The following PCDHA8 variants were observed in gnomAD, a reference collection of about 807,000 sequenced individuals.
PCDHA8 encodes the protein protocadherin alpha 8, also known as protocadherin alpha-8.
PCDHA8 carries 53 observed loss-of-function variants against 61.8 expected under a neutral mutation model. That is an observed-to-expected ratio of 0.86 (90% CI 0.69 to 1.08). PCDHA8 has a LOEUF of 1.08. Among genes scored for constraint, PCDHA8 ranks in the 50% least tolerant of loss-of-function variants. PCDHA8 has a pLI of 0.00. For synonymous variants in PCDHA8, 618 were observed against 556.6 expected (o/e 1.11, Z -1.55); for missense variants, 1,293 against 1,245.0 (o/e 1.04, Z -0.58).
At chr5:140,897,339 C>G (rs1373496877) in intron 1 of PCDHA8, among the ~76,000 whole-genome samples, 14 of 121,352 alleles carry the variant, frequency 1.2e-4, no homozygotes, top group African/African-American at 4.4e-4. Context: ...CCCCCTCCCC[C>G]CACCCCACAA....
chr5:140,881,414 A>G, intron 1 of PCDHA8: 1 of 936,538 alleles, frequency 1.1e-6, no homozygotes, highest in African/African-American at 1.8e-5. Flanking sequence ...TCAATAGGAT[A>G]TTAGTTCCAG....
At position 140,876,284 on chromosome 5, in the gene PCDHA8, A is replaced by C. The variant is rs781831935; in HGVS notation, c.2394+32569A>C. 1.7e-5 allele frequency: 27 copies of C among 1,613,954 alleles called. No homozygotes were observed. The highest frequency in any genetic ancestry group is 2.3e-5 in the Non-Finnish European group (27 of 1,179,908). ...CAACTAAATGCTTCCGATCCAGACG[A>C]AGGACTTAATGGAGAAATTTCCTAT... On this transcript the variant is annotated intron_variant, in intron 1 of 3. Transcript: ENST00000531613.
chr5:140,872,209 T>C (rs900203010), intron 1 of PCDHA8, among the ~76,000 whole-genome samples: 4 of 152,214 alleles, frequency 2.6e-5, no homozygotes, highest in South Asian at 2.1e-4. Context: ...AAATTCATTA[T>C]ATATGAAACA....
At chr5:140,883,342 C>T in intron 1 of PCDHA8, 1 of 1,614,154 alleles carries the variant, frequency 6.2e-7, no homozygotes, top group Non-Finnish European at 8.5e-7. Flanking sequence ...TGTCACTCCC[C>T]ATCAGAGAAG....
intron 1 of PCDHA8, among the ~76,000 whole-genome samples, chr5:140,844,460 A>T (rs1188717335): frequency 6.7e-6 from 1 of 148,896 alleles, no homozygotes; most frequent in Non-Finnish European, 1.5e-5. Context: ...TCGCCAACTT[A>T]ACATTTTTTG....
chr5:140,852,108 G>A, intron 1 of PCDHA8: 1 of 906,254 alleles, frequency 1.1e-6, no homozygotes, highest in Non-Finnish European at 1.3e-6. Context: ...TATTTTACAA[G>A]GTATGACCTA....
chr5:140,852,575 CTTTT>C, intron 1 of PCDHA8: 1 of 799,032 alleles, frequency 1.3e-6, no homozygotes, highest in Non-Finnish European at 1.5e-6. Context: ...TGTGCCAAGG[CTTTT>C]TTATTTTTTT....
chr5:140,952,219 C>T (rs1442706652), intron 1 of PCDHA8, among the ~76,000 whole-genome samples: 24 of 152,086 alleles, frequency 1.6e-4, no homozygotes, highest in African/African-American at 4.8e-4. Flanking sequence ...CTTTTCCAGG[C>T]ACAGTGTGCA....
At position 140,884,460 on chromosome 5, in the gene PCDHA8, C is replaced by T. The variant is rs782410675; in HGVS notation, c.2394+40745C>T. ...TGCTCGGCACCGCCCACCGAGGGCG[C>T]GTGCGCGCCGGGCAAGCCCACTCTA... On this transcript the variant is annotated intron_variant, in intron 1 of 3. Coordinates refer to ENST00000531613, the MANE Select transcript of PCDHA8 (RefSeq NM_018911.3). The T allele has an allele frequency of 2.5e-6, 4 of 1,613,730 alleles. No homozygotes were observed. The highest frequency in any genetic ancestry group is 3.3e-5 in the Admixed American group (2 of 59,998).
chr5:140,881,383 G>T (rs2058695337), intron 1 of PCDHA8: 1 of 984,212 alleles, frequency 1.0e-6, no homozygotes, highest in Non-Finnish European at 1.2e-6. Context: ...AGCCGGCGGC[G>T]GTAAGTTAAA....
At chr5:140,872,539 A>G (rs2053732284) in intron 1 of PCDHA8, among the ~76,000 whole-genome samples, 1 of 152,128 alleles carries the variant, frequency 6.6e-6, no homozygotes, top group Admixed American at 6.5e-5. Flanking sequence ...ACATGAGAGG[A>G]TCCCCTGAAC....
In PCDHA8 at chr5:140,877,310, C is replaced by T. The variant is rs371801888; in HGVS notation, c.2394+33595C>T. ...GCTTGGCTGTCCTACGAGTTGCAACCGGCGGCGGTCGGCGCGCACATCCCG... is the reference window on the plus strand; with the variant it reads ...GCTTGGCTGTCCTACGAGTTGCAACTGGCGGCGGTCGGCGCGCACATCCCG... On this transcript the variant is annotated intron_variant, in intron 1 of 3. Transcript: ENST00000531613. 16 of 1,613,820 alleles carry T rather than the reference C, an allele frequency of 9.9e-6. No homozygotes were observed. In the African/African-American group the frequency reaches 1.9e-4, roughly 19 times the overall value.
chr5:140,966,659 G>T, intron 1 of PCDHA8: 1 of 1,217,656 alleles, frequency 8.2e-7, no homozygotes, highest in South Asian at 2.0e-5. Flanking sequence ...AGCGGTGGGG[G>T]AGCAGGCGCA....
At chr5:140,907,564 C>A (rs782642591) in intron 1 of PCDHA8, among the ~76,000 whole-genome samples, 1 of 152,228 alleles carries the variant, frequency 6.6e-6, no homozygotes, top group African/African-American at 2.4e-5. Flanking sequence ...ATATAATCAA[C>A]TTGCCACCAG....
intron 1 of PCDHA8, among the ~76,000 whole-genome samples, chr5:140,951,923 T>C (rs538525528): frequency 6.6e-6 from 1 of 152,214 alleles, no homozygotes; most frequent in South Asian, 2.1e-4. Flanking sequence ...ACAAGTTAGT[T>C]ACTCCCAAGA....
intron 1 of PCDHA8, among the ~76,000 whole-genome samples, chr5:140,912,282 C>A (rs1211433751): frequency 6.6e-6 from 1 of 151,982 alleles, no homozygotes; most frequent in African/African-American, 2.4e-5. Flanking sequence ...TACCCAGGAA[C>A]AATACTTTGC....
intron 1 of PCDHA8, among the ~76,000 whole-genome samples, chr5:140,906,235 C>G (rs1319955366): frequency 1.3e-5 from 2 of 152,174 alleles, no homozygotes; most frequent in African/African-American, 4.8e-5. Flanking sequence ...CTCCCCTTGT[C>G]AACTTGAACC....
chr5:140,946,980 T>G (rs757011315), intron 1 of PCDHA8, among the ~76,000 whole-genome samples: 4 of 151,702 alleles, frequency 2.6e-5, no homozygotes, highest in Non-Finnish European at 5.9e-5. Context: ...AATAGAGGAT[T>G]TTGAGTGTTC....
At chr5:140,849,595 C>T (rs2150441932) in intron 1 of PCDHA8, 1 of 1,598,688 alleles carries the variant, frequency 6.3e-7, no homozygotes, top group South Asian at 1.1e-5. Flanking sequence ...CAACTGGGGA[C>T]AGTTATTGCC....
Sources: allele counts gnomAD v4.1 joint callset (sites outside exome capture counted in the v4.1 genomes callset), GRCh38; gene constraint gnomAD v4.1.1; transcripts MANE v1.5; gene names NCBI Gene and HGNC (gene_info 2026-07-23, HGNC 2026-07-21).